The following TRPM2 variants were observed in gnomAD, a reference collection of about 807,000 sequenced individuals.
The protein encoded by TRPM2 is transient receptor potential cation channel subfamily M member 2, also known as estrogen-responsive element-associated gene 1 protein.
A neutral mutation model predicts 174.0 loss-of-function variants in TRPM2; 161 were observed. That is an observed-to-expected ratio of 0.93 (90% CI 0.81 to 1.05). The LOEUF (loss-of-function observed/expected upper bound fraction) is 1.05, where lower values mean the gene tolerates loss of function less well. Ranked by LOEUF, TRPM2 falls within the 50% of genes least tolerant of loss-of-function variation. The pLI is 0.00. For missense variants in TRPM2, 2,057 were observed against 2,038.0 expected (o/e 1.01, Z -0.18); for synonymous variants, 954 against 861.3 (o/e 1.11, Z -1.88).
chr21:44,363,298 T>C (rs771778734), intron 2 of TRPM2, among the ~76,000 whole-genome samples: 16 of 152,204 alleles, frequency 1.1e-4, no homozygotes, highest in Non-Finnish European at 2.1e-4. Context: ...CATGAATGTA[T>C]GATCTTTTGT....
At chr21:44,433,805 G>A (rs1015918724) in intron 27 of TRPM2, among the ~76,000 whole-genome samples, 1 of 152,186 alleles carries the variant, frequency 6.6e-6, no homozygotes. Context: ...TACACACTGG[G>A]CATGTTCTGG....
intron 13 of TRPM2, among the ~76,000 whole-genome samples, chr21:44,398,634 G>T (rs539728678): frequency 6.6e-6 from 1 of 152,192 alleles, no homozygotes; most frequent in East Asian, 1.9e-4. Context: ...ATGATCACAG[G>T]GGTCGAAGTG....
intron 5 of TRPM2, among the ~76,000 whole-genome samples, chr21:44,375,257 C>T (rs1184603115): frequency 6.6e-6 from 1 of 152,218 alleles, no homozygotes; most frequent in African/African-American, 2.4e-5. Context: ...TCTTCAAGGA[C>T]GTTGAGACGT....
intron 3 of TRPM2, 65 bp downstream of exon 3, chr21:44,364,347 G>A: frequency 6.4e-7 from 1 of 1,572,856 alleles, no homozygotes. Context: ...GTGACACGCG[G>A]TGGTCGGCAT....
At chr21:44,353,069 T>C (rs1337970540), upstream of TRPM2, among the ~76,000 whole-genome samples, 1 of 152,148 alleles carries the variant, frequency 6.6e-6, no homozygotes, top group Non-Finnish European at 1.5e-5. Flanking sequence ...GGCAGGAGAA[T>C]CACTTGAACC....
chr21:44,369,057 G>A (rs2146165997), intron 4 of TRPM2, 120 bp from the exon 5 acceptor site: 7 of 1,100,068 alleles, frequency 6.4e-6, no homozygotes, highest in Non-Finnish European at 8.8e-6. Flanking sequence ...CCCTGAGTGA[G>A]GAGCTCTGCG....
chr21:44,364,807 G>A (rs1212961658), intron 3 of TRPM2, among the ~76,000 whole-genome samples: 1 of 152,224 alleles, frequency 6.6e-6, no homozygotes, highest in Non-Finnish European at 1.5e-5. Context: ...AGCCTGGCCT[G>A]CAGGAGAGCG....
intron 19 of TRPM2, among the ~76,000 whole-genome samples, chr21:44,413,024 A>C (rs2050154306): frequency 6.6e-6 from 1 of 152,076 alleles, no homozygotes; most frequent in Non-Finnish European, 1.5e-5. Flanking sequence ...TTAACAACTT[A>C]CTATGTTTCC....
intron 29 of TRPM2, 71 bp downstream of exon 29, chr21:44,437,238 GC>G: frequency 1.4e-6 from 2 of 1,422,060 alleles, no homozygotes; most frequent in Non-Finnish European, 1.9e-6. Flanking sequence ...CATCCATTCT[GC>G]CCACGGACTG....
intron 8 of TRPM2, among the ~76,000 whole-genome samples, chr21:44,381,167 G>A (rs1330270057): frequency 6.6e-6 from 1 of 152,114 alleles, no homozygotes; most frequent in Non-Finnish European, 1.5e-5. Context: ...CAGAGTCTAT[G>A]TGGAGGCAAT....
At position 44,435,187 on chromosome 21, in the gene TRPM2, C is replaced by A; in HGVS notation, c.4031C>A (p.Pro1344His). Residue 1344 changes from proline (P) to histidine (H), a missense_variant, in exon 28 of 32, where the codon CCC (proline) becomes CAC (histidine). Coordinates refer to ENST00000397928, the MANE Select transcript of TRPM2 (RefSeq NM_003307.4). ...RGRGSLSCFG[P>H]NHTLYPMVTR... is the part of the protein sequence containing the mutation. Reference sequence around the variant, plus strand: ...CGCGGGAGCCTCAGCTGCTTCGGACCCAACCACACGCTGTACCCCATGGTC... The same window carrying A: ...CGCGGGAGCCTCAGCTGCTTCGGACACAACCACACGCTGTACCCCATGGTC... 6.2e-7 allele frequency: 1 copy of A among 1,613,392 alleles called. No homozygotes were observed. Among genetic ancestry groups the A allele is most frequent in the Non-Finnish European group, 8.5e-7 (1 of 1,179,584 alleles).
chr21:44,409,476 CATA>C (rs2050015007), intron 19 of TRPM2, among the ~76,000 whole-genome samples: 4 of 151,004 alleles, frequency 2.6e-5, no homozygotes, highest in African/African-American at 4.9e-5. Flanking sequence ...TCTTGGTGAG[CATA>C]GCCTTGTAGT....
rs747480412 is a variant in TRPM2 at position 44,418,032 on chromosome 21, C to T, written c.3252C>T (p.Phe1084=). 1 of 1,613,280 alleles carries T rather than the reference C, an allele frequency of 6.2e-7. No individual in the cohort carries two copies. The highest frequency in any genetic ancestry group is 1.1e-5 in the South Asian group (1 of 91,092). The part of the protein sequence containing the change: ...YHGRPAAPPP[F]ILLSHLQLFI... ...GCCGCCCCGCCGCGCCGCCCCCCTT[C>T]ATCCTCCTCAGCCACCTGCAGCTCT... Residue 1084 remains phenylalanine, a synonymous_variant, in exon 21 of 32, where the codon TTC becomes TTT. Coordinates refer to ENST00000397928, the MANE Select transcript of TRPM2 (RefSeq NM_003307.4).
At chr21:44,437,306 G>A (rs1018587322) in intron 29 of TRPM2, 139 bp downstream of exon 29, 143 of 708,420 alleles carry the variant, frequency 2.0e-4, no homozygotes, top group Non-Finnish European at 2.9e-4. Context: ...TCGAGACCCC[G>A]CCTGTTTTGT....
rs771275980 is a variant in TRPM2, at chr21:44,406,650, G to C, written c.2847G>C (p.Gly949=). The part of the protein sequence containing the change: ...FLLAVWVVSF[G]VAKQAILIHN... Reference sequence around the variant, plus strand: ...TGGCTGTGTGGGTGGTGTCCTTCGGGGTGGCCAAGCAGGCCATCCTCATCC... The same window carrying C: ...TGGCTGTGTGGGTGGTGTCCTTCGGCGTGGCCAAGCAGGCCATCCTCATCC... Residue 949 remains glycine (G), a synonymous_variant, in exon 19 of 32, where the codon GGG becomes GGC. Transcript: ENST00000397928. 2.5e-6 allele frequency: 4 copies of C among 1,610,800 alleles called. No homozygotes were observed. The highest frequency in any genetic ancestry group is 3.4e-6 in the Non-Finnish European group (4 of 1,179,430).
chr21:44,433,128 G>T (rs2051089329), intron 27 of TRPM2, among the ~76,000 whole-genome samples: 1 of 152,238 alleles, frequency 6.6e-6, no homozygotes. Context: ...AGGGTGCAGA[G>T]TGTTTGTTTC....
intron 19 of TRPM2, among the ~76,000 whole-genome samples, chr21:44,407,055 G>C (rs2049916244): frequency 6.7e-6 from 1 of 148,868 alleles, no homozygotes; most frequent in Admixed American, 6.7e-5. Context: ...CCCTGAAATG[G>C]AATGTCACCC....
At chr21:44,410,388 GT>G (rs1294196871) in intron 19 of TRPM2, among the ~76,000 whole-genome samples, 5 of 55,352 alleles carry the variant, frequency 9.0e-5, no homozygotes, top group African/African-American at 3.3e-4. Flanking sequence ...CTGTCTTGGT[GT>G]AGCCTTGTAG....
chr21:44,400,790 C>T (rs2049592138), intron 15 of TRPM2, among the ~76,000 whole-genome samples: 1 of 152,234 alleles, frequency 6.6e-6, no homozygotes, highest in Non-Finnish European at 1.5e-5. Context: ...TTGATGGAAT[C>T]GCTTTCCCTT....
Sources: allele counts gnomAD v4.1 joint callset (sites outside exome capture counted in the v4.1 genomes callset), GRCh38; gene constraint gnomAD v4.1.1; transcripts MANE v1.5; gene names NCBI Gene and HGNC (gene_info 2026-07-23, HGNC 2026-07-21).